GPRC6A: variants seen among roughly 807,000 people sequenced by gnomAD.
The protein encoded by GPRC6A is G protein-coupled receptor family C group 6 member A.
Under a neutral mutation model 47.0 loss-of-function variants are expected in GPRC6A, and 54 were observed. The ratio of observed to expected loss-of-function variants is 1.15; its 90% CI spans 0.92 to 1.44. The LOEUF (loss-of-function observed/expected upper bound fraction) is 1.44, where lower values mean the gene tolerates loss of function less well. Among genes scored for constraint, GPRC6A ranks in the 40% most tolerant of loss-of-function variants. GPRC6A has a pLI of 0.00. For missense variants in GPRC6A, 1,112 were observed against 1,105.5 expected (o/e 1.01, Z -0.08); for synonymous variants, 347 against 377.1 (o/e 0.92, Z 0.93).
chr6:116,806,388 G>A lies in GPRC6A; in HGVS notation c.1317C>T (p.Asn439=), dbSNP rs761743460. 2.1e-5 allele frequency: 33 copies of A among 1,608,924 alleles called. No homozygotes were observed. The highest frequency in any genetic ancestry group is 1.3e-4 in the East Asian group (6 of 44,746). The stretch of plus-strand genomic sequence containing the variant: ...TTAGTACCTCCCATGGTTGAAAGGC[G>A]TTGGGGTTCTGACAGTCACGAGCTT... ...LCQARDCQNP[N]AFQPWELLGV... Residue 439 remains asparagine (N), a synonymous_variant, in exon 3 of 6, where the codon AAC becomes AAT. Transcript: ENST00000310357.
At chr6:116,795,895 G>A (rs954374185) in intron 4 of GPRC6A, 60 bp from the exon 5 acceptor site, 8 of 1,142,592 alleles carry the variant, frequency 7.0e-6, no homozygotes, top group Middle Eastern at 2.1e-4. Flanking sequence ...TATCCTAATC[G>A]ATTATCCTCG....
chr6:116,822,641 T>C (rs1287456979), intron 1 of GPRC6A, among the ~76,000 whole-genome samples: 2 of 145,398 alleles, frequency 1.4e-5, no homozygotes, highest in African/African-American at 2.6e-5. Flanking sequence ...TATTCTCACT[T>C]ATAGGTGGGA....
intron 3 of GPRC6A, among the ~76,000 whole-genome samples, chr6:116,805,975 G>C (rs1042314266): frequency 6.6e-6 from 1 of 151,958 alleles, no homozygotes; most frequent in African/African-American, 2.4e-5. Context: ...TGTATTTCTG[G>C]TACTCCCCAG....
intron 2 of GPRC6A, 100 bp downstream of exon 2, chr6:116,809,214 A>G: frequency 1.2e-6 from 1 of 868,398 alleles, no homozygotes; most frequent in Non-Finnish European, 1.8e-6. Context: ...GAAAAGTTAA[A>G]GTAAAAGTGA....
chr6:116,801,838 G>T (rs1030195975), intron 3 of GPRC6A, among the ~76,000 whole-genome samples: 1 of 152,026 alleles, frequency 6.6e-6, no homozygotes, highest in Admixed American at 6.6e-5. Flanking sequence ...AAAGAAGCAG[G>T]ATATCAGATC....
intron 1 of GPRC6A, among the ~76,000 whole-genome samples, chr6:116,816,724 G>A (rs1281263968): frequency 1.3e-5 from 2 of 152,258 alleles, no homozygotes; most frequent in Non-Finnish European, 2.9e-5. Context: ...GCCTCACTTG[G>A]GAAGCGCAAG....
Position 116,806,622 on chromosome 6 carries a change from T to A in GPRC6A, c.1083A>T (p.Leu361Phe). The A allele has an allele frequency of 6.2e-7, 1 of 1,613,482 alleles. No homozygotes were observed. Among genetic ancestry groups the A allele is most frequent in the Non-Finnish European group, 8.5e-7 (1 of 1,179,610 alleles). Residue 361 changes from leucine to phenylalanine, a missense_variant, in exon 3 of 6, where the codon TTA becomes TTT. Transcript: ENST00000310357. The part of the protein sequence containing the change: ...HKLLHEYAMH[L>F]SACAYVKDTD... The stretch of plus-strand genomic sequence containing the variant: ...TGTCCTTGACATATGCGCAGGCAGA[T>A]AAATGCATGGCATATTCATGTAAGA...
Position 116,806,830 on chromosome 6 carries a change from TC to T in GPRC6A, c.874del (p.Glu292LysfsTer2), listed in dbSNP as rs1425300982. The T allele has an allele frequency of 6.2e-7, 1 of 1,613,480 alleles. No homozygotes were observed. The highest frequency in any genetic ancestry group is 1.1e-5 in the South Asian group (1 of 91,070). On this transcript the variant is annotated frameshift_variant, in exon 3 of 6. Coordinates refer to ENST00000310357, the MANE Select transcript of GPRC6A (RefSeq NM_148963.4). LOFTEE classifies it high-confidence loss of function. The stretch of plus-strand genomic sequence containing the variant: ...AATCCACATCTTATTTATATTCATT[TC>T]AATGGCTTTATTGAAGAGATCAAAA... ...HVFDLFNKAI[E>X]MNINKMWIAS...
At chr6:116,796,989 C>T (rs1166040897) in intron 4 of GPRC6A, among the ~76,000 whole-genome samples, 3 of 152,092 alleles carry the variant, frequency 2.0e-5, no homozygotes, top group Non-Finnish European at 4.4e-5. Context: ...CCCACTAACT[C>T]GTCATCTAGC....
In GPRC6A at chr6:116,792,513, T is replaced by C. The variant is rs774043932; in HGVS notation, c.2410A>G (p.Thr804Ala). 6.2e-7 allele frequency: 1 copy of C among 1,613,812 alleles called. No individual in the cohort carries two copies. The highest frequency in any genetic ancestry group is 1.7e-5 in the Admixed American group (1 of 59,972). Residue 804 changes from threonine (T) to alanine (A), a missense_variant, in exon 6 of 6, where the codon ACC becomes GCC. Thr to Ala is a moderately conservative substitution (Grantham distance 58). Transcript: ENST00000310357. ...GCTGGTACATATTTGCCAAATGTGGTAGCATAGATAGGGATGAATGTGATC... is the reference window on the plus strand; with the variant it reads ...GCTGGTACATATTTGCCAAATGTGGCAGCATAGATAGGGATGAATGTGATC... The part of the protein sequence containing the change: ...AWITFIPIYA[T>A]TFGKYVPAVE...
intron 1 of GPRC6A, among the ~76,000 whole-genome samples, chr6:116,815,883 G>A (rs940246230): frequency 1.3e-5 from 2 of 152,146 alleles, no homozygotes; most frequent in African/African-American, 4.8e-5. Context: ...GCTGAGATTG[G>A]GTAATTTGTA....
intron 1 of GPRC6A, among the ~76,000 whole-genome samples, chr6:116,822,891 T>TAAAAA (rs757893318): frequency 1.1e-3 from 133 of 117,248 alleles, no homozygotes; most frequent in South Asian, 2.0e-3. Context: ...TACTAGTCTC[T>TAAAAA]AAAAAAAAAA....
intron 4 of GPRC6A, among the ~76,000 whole-genome samples, chr6:116,798,989 A>C (rs1050530178): frequency 6.6e-6 from 1 of 152,138 alleles, no homozygotes; most frequent in African/African-American, 2.4e-5. Context: ...TGGAGTAGGT[A>C]GTAAAAAGTG....
At position 116,806,653 on chromosome 6, in the gene GPRC6A, T is replaced by A; in HGVS notation, c.1052A>T (p.His351Leu). Residue 351 changes from histidine to leucine, a missense_variant, in exon 3 of 6, where the codon CAC becomes CTC. Physicochemically the swap from His to Leu is moderately conservative, Grantham distance 99 (BLOSUM62 -3). Transcript: ENST00000310357. ...CATGGCATATTCATGTAAGAGTTTG[T>A]GACTGTCACTGGGAAGCAAGTGCAG... ...QNLHLLPSDS[H>L]KLLHEYAMHL... 1 of 1,613,604 alleles carries A rather than the reference T, an allele frequency of 6.2e-7. No individual in the cohort carries two copies. The highest frequency in any genetic ancestry group is 1.3e-5 in the African/African-American group (1 of 74,990).
At chr6:116,802,591 A>G (rs1200559656) in intron 3 of GPRC6A, among the ~76,000 whole-genome samples, 2 of 152,106 alleles carry the variant, frequency 1.3e-5, no homozygotes, top group Non-Finnish European at 2.9e-5. Context: ...AGGTATCTTC[A>G]TGGCTAAGTT....
rs1400112696 is a variant in GPRC6A, at chr6:116,800,579, G to T, written c.1548+5C>A. The T allele has an allele frequency of 6.2e-7, 1 of 1,605,074 alleles. No individual in the cohort carries two copies. Among genetic ancestry groups the T allele is most frequent in the South Asian group, 1.1e-5 (1 of 90,888 alleles). On this transcript the variant is annotated splice_donor_5th_base_variant and intron_variant, in intron 4 of 5. Coordinates refer to ENST00000310357, the MANE Select transcript of GPRC6A (RefSeq NM_148963.4). ...GTGCTACAAAACGGCCTACAACAAGGTTACCTTAAGATTCCTGAACTCATT... is the reference window on the plus strand; with the variant it reads ...GTGCTACAAAACGGCCTACAACAAGTTTACCTTAAGATTCCTGAACTCATT...
chr6:116,822,714 G>T (rs1258773276), intron 1 of GPRC6A, among the ~76,000 whole-genome samples: 10 of 133,462 alleles, frequency 7.5e-5, no homozygotes, highest in Admixed American at 1.6e-4. Context: ...ACTGTTGTGG[G>T]TTGGGGGAGG....
At chr6:116,805,139 A>C (rs1772796020) in intron 3 of GPRC6A, among the ~76,000 whole-genome samples, 1 of 152,072 alleles carries the variant, frequency 6.6e-6, no homozygotes, top group Admixed American at 6.6e-5. Context: ...GGTGTCTTAA[A>C]GTCATCAGAC....
At position 116,819,022 on chromosome 6, in the gene GPRC6A, G is replaced by A. The variant is rs528452354; in HGVS notation, c.195-9405C>T. On this transcript the variant is annotated intron_variant, in intron 1 of 5. Transcript: ENST00000310357. ...AAAAGGATGGACGAAGATCTACCAA[G>A]CAAATGGAAAACAAAAAAAGGCAGG... 2.9e-4 allele frequency among the ~76,000 whole-genome samples: 44 copies of A among 152,082 alleles called. No homozygotes were observed. The South Asian group carries it at 4.4e-3, about 15-fold the overall frequency.
Sources: allele counts gnomAD v4.1 joint callset (sites outside exome capture counted in the v4.1 genomes callset), GRCh38; gene constraint gnomAD v4.1.1; transcripts MANE v1.5; gene names NCBI Gene and HGNC (gene_info 2026-07-23, HGNC 2026-07-21).